Variants in ADAMTS3 observed in about 807,000 individuals in gnomAD.
ADAMTS3 encodes the protein ADAM metallopeptidase with thrombospondin type 1 motif 3, also known as A disintegrin and metalloproteinase with thrombospondin motifs 3.
A neutral mutation model predicts 129.0 loss-of-function variants in ADAMTS3; 73 were observed. That is an observed-to-expected ratio of 0.57 (90% confidence interval 0.47 to 0.69). ADAMTS3 has a LOEUF of 0.69. Ranked by LOEUF, ADAMTS3 falls within the 30% of genes least tolerant of loss-of-function variation. The pLI, the probability that ADAMTS3 is intolerant of heterozygous loss-of-function variation, is 0.00. For missense variants in ADAMTS3, 1,457 were observed against 1,514.5 expected, an observed-to-expected ratio of 0.96 and a Z score of 0.63; for synonymous variants, 477 against 510.8, an observed-to-expected ratio of 0.93 and a Z score of 0.89.
intron 15 of ADAMTS3, among the ~76,000 whole-genome samples, chr4:72,308,477 G>A (rs1460105397): frequency 6.6e-6 from 1 of 151,812 alleles, no homozygotes; most frequent in Non-Finnish European, 1.5e-5. Flanking sequence ...ATATTTCTTT[G>A]TTTTTGTTTT....
chr4:72,319,827 T>C, intron 8 of ADAMTS3, 31 bp downstream of exon 8: 3 of 1,526,758 alleles, frequency 2.0e-6, no homozygotes, highest in Non-Finnish European at 2.7e-6. Flanking sequence ...AAGATCTTTT[T>C]TTGGCTTTAT....
chr4:72,418,707 G>A (rs866743956), intron 3 of ADAMTS3, among the ~76,000 whole-genome samples: 20 of 152,318 alleles, frequency 1.3e-4, no homozygotes, highest in African/African-American at 4.8e-4. Flanking sequence ...GTAAGCCCAG[G>A]CAGAAGAGAC....
chr4:72,546,466 A>G (rs1721469872), intron 3 of ADAMTS3, among the ~76,000 whole-genome samples: 2 of 152,058 alleles, frequency 1.3e-5, no homozygotes, highest in African/African-American at 2.4e-5. Flanking sequence ...AAAAAAGTTG[A>G]AAACCTCTGT....
intron 3 of ADAMTS3, among the ~76,000 whole-genome samples, chr4:72,472,498 C>CT (rs557246320): frequency 9.2e-5 from 14 of 151,900 alleles, no homozygotes; most frequent in Middle Eastern, 3.4e-3. Context: ...TGTTTTCTTA[C>CT]TTTTTTTTAG....
At chr4:72,402,953 C>T (rs149029350) in intron 4 of ADAMTS3, among the ~76,000 whole-genome samples, 27 of 152,048 alleles carry the variant, frequency 1.8e-4, no homozygotes, top group African/African-American at 6.3e-4. Flanking sequence ...TATTTTAGTC[C>T]CTATACCTGG....
chr4:72,442,145 C>T (rs1718134927), intron 3 of ADAMTS3: 1 of 151,780 alleles, frequency 6.6e-6, no homozygotes. Context: ...ATGTTTGGCA[C>T]CTGGGCTAGG....
intron 4 of ADAMTS3, among the ~76,000 whole-genome samples, chr4:72,383,074 A>G (rs1424783906): frequency 6.6e-6 from 1 of 152,138 alleles, no homozygotes; most frequent in Non-Finnish European, 1.5e-5. Flanking sequence ...CTGTGAATAG[A>G]AAGATTCTCC....
intron 3 of ADAMTS3, among the ~76,000 whole-genome samples, chr4:72,538,851 A>T (rs191369275): frequency 6.6e-6 from 1 of 152,320 alleles, no homozygotes; most frequent in East Asian, 1.9e-4. Flanking sequence ...AAGTCCAGAA[A>T]TAAATTGTTG....
intron 5 of ADAMTS3, among the ~76,000 whole-genome samples, chr4:72,324,140 T>C (rs1289964778): frequency 6.6e-6 from 1 of 152,190 alleles, no homozygotes; most frequent in African/African-American, 2.4e-5. Context: ...TCCAGGAGAT[T>C]TGAACAGTAG....
chr4:72,408,995 C>T (rs1722121355), intron 4 of ADAMTS3, among the ~76,000 whole-genome samples: 3 of 152,012 alleles, frequency 2.0e-5, no homozygotes, highest in South Asian at 4.1e-4. Flanking sequence ...CAACAAACTA[C>T]CAGGTCACGT....
At chr4:72,303,314 C>T (rs1275669246) in intron 17 of ADAMTS3, among the ~76,000 whole-genome samples, 1 of 149,884 alleles carries the variant, frequency 6.7e-6, no homozygotes, top group Non-Finnish European at 1.5e-5. Context: ...ACCTTGTGGC[C>T]ATATATTTTT....
chr4:72,509,056 T>C (rs1188478227), intron 3 of ADAMTS3, among the ~76,000 whole-genome samples: 3 of 151,898 alleles, frequency 2.0e-5, no homozygotes, highest in Admixed American at 6.6e-5. Context: ...GAGAAGGAAA[T>C]TGAAAAATTT....
chr4:72,552,371 G>A (rs181523250), intron 2 of ADAMTS3, among the ~76,000 whole-genome samples: 14 of 152,286 alleles, frequency 9.2e-5, no homozygotes, highest in Admixed American at 7.2e-4. Context: ...ACTAATTTAA[G>A]TGTAAGTTAG....
intron 3 of ADAMTS3, among the ~76,000 whole-genome samples, chr4:72,532,962 T>C (rs1403908203): frequency 6.6e-6 from 1 of 152,200 alleles, no homozygotes; most frequent in African/African-American, 2.4e-5. Flanking sequence ...AAGACATTAT[T>C]GTAGGCTCCT....
Position 72,283,055 on chromosome 4 carries a change from C to T in ADAMTS3, c.*81G>A, listed in dbSNP as rs985800314. The T allele has an allele frequency of 3.3e-6, 4 of 1,227,256 alleles. No homozygotes were observed. The African/African-American group carries it at 6.1e-5, about 19-fold the overall frequency. The allele number at this position is 1,227,256 out of a possible 1,614,324, so 76.0% of individuals were successfully genotyped here. ...AGCTGACGATCTATAGAGATTTCCA[C>T]TTTAAACAAGCATATGCACCATGGG... On this transcript the variant is annotated 3_prime_UTR_variant, in exon 22 of 22. Transcript: ENST00000286657.
At chr4:72,327,568 T>A (rs184599726) in intron 5 of ADAMTS3, among the ~76,000 whole-genome samples, 2 of 152,198 alleles carry the variant, frequency 1.3e-5, no homozygotes, top group African/African-American at 4.8e-5. Context: ...AGAGGACAGA[T>A]GTTCTCATTG....
At chr4:72,393,477 A>G (rs545309639) in intron 4 of ADAMTS3, among the ~76,000 whole-genome samples, 1 of 152,348 alleles carries the variant, frequency 6.6e-6, no homozygotes, top group South Asian at 2.1e-4. Flanking sequence ...CATGCAATAA[A>G]AGATGAGCAA....
intron 2 of ADAMTS3, among the ~76,000 whole-genome samples, chr4:72,564,996 G>A (rs1003576604): frequency 6.6e-6 from 1 of 152,164 alleles, no homozygotes; most frequent in Non-Finnish European, 1.5e-5. Flanking sequence ...GGGACGTACA[G>A]GGATTCCAGT....
chr4:72,549,950 T>TA (rs34598767), intron 2 of ADAMTS3, among the ~76,000 whole-genome samples: 176 of 12,636 alleles, frequency 0.014, 15 homozygotes, highest in Non-Finnish European at 0.017. Flanking sequence ...GCAACAAGGG[T>TA]AAAAAAAAAA....
Sources: allele counts gnomAD v4.1 joint callset (sites outside exome capture counted in the v4.1 genomes callset), GRCh38; gene constraint gnomAD v4.1.1; transcripts MANE v1.5; gene names NCBI Gene and HGNC (gene_info 2026-07-23, HGNC 2026-07-21).